Variants in NAALADL2 observed in about 807,000 individuals in gnomAD.
The protein encoded by NAALADL2 is inactive N-acetylated-alpha-linked acidic dipeptidase-like protein 2.
In NAALADL2, 76 loss-of-function variants were observed where a neutral mutation model predicts 87.2. The observed-to-expected ratio is 0.87, with a 90% CI of 0.72 to 1.05. NAALADL2 has a LOEUF of 1.05. Ranked by LOEUF, NAALADL2 falls within the 50% of genes least tolerant of loss-of-function variation. The probability of loss-of-function intolerance (pLI) is 0.00; values close to 1 mark genes in which losing one functional copy is unlikely to be tolerated. For synonymous variants in NAALADL2, 354 were observed against 331.0 expected (o/e 1.07, Z -0.75); for missense variants, 1,089 against 945.8 (o/e 1.15, Z -1.99).
intron 4 of NAALADL2, among the ~76,000 whole-genome samples, chr3:175,263,286 CTT>C (rs1344160052): frequency 3.3e-5 from 5 of 151,882 alleles, no homozygotes; most frequent in African/African-American, 1.2e-4. Context: ...AATATAAAGA[CTT>C]AAGACTGTGT....
chr3:175,681,629 G>A (rs1036598725), intron 11 of NAALADL2, among the ~76,000 whole-genome samples: 14 of 152,172 alleles, frequency 9.2e-5, no homozygotes, highest in Admixed American at 5.9e-4. Context: ...CAAAATGGCT[G>A]TTTTGATTCT....
rs1326914493 is a variant in NAALADL2, at chr3:175,486,806, G to GTCTCC, written c.1653+15048_1653+15049insTCTCC. ...TCAGTTGTTTAGGACAAAGACCTTG[G>GTCTCC]AGACCTCTTTCACTCCTCTCTTTAT... On this transcript the variant is annotated intron_variant, in intron 9 of 13. Transcript: ENST00000454872. Among the ~76,000 whole-genome samples, 8 of 152,136 alleles carry GTCTCC rather than the reference G, an allele frequency of 5.3e-5. No individual in the cohort carries two copies. In the East Asian group the frequency reaches 1.5e-3, roughly 29 times the overall value.
Position 174,601,901 on chromosome 3 carries a change from A to G in NAALADL2, c.-115+51264A>G, listed in dbSNP as rs550392326. ...TTTCTAACACCATTTGTTTAAGATA[A>G]TGTCCTTTTCCCAGTATGTGTTCTC... On this transcript the variant is annotated intron_variant, in intron 2 of 3. Transcript: ENST00000434257. Among the ~76,000 whole-genome samples, 22 of 152,168 alleles carry G rather than the reference A, an allele frequency of 1.4e-4. No individual in the cohort carries two copies. In the South Asian group the frequency reaches 4.6e-3, roughly 32 times the overall value.
intron 9 of NAALADL2, among the ~76,000 whole-genome samples, chr3:175,546,513 T>C (rs1298187104): frequency 6.6e-6 from 1 of 152,142 alleles, no homozygotes; most frequent in Admixed American, 6.6e-5. Flanking sequence ...GTTTTTGTAG[T>C]TTATGGTAAC....
chr3:175,303,045 T>C (rs9844160), intron 4 of NAALADL2, among the ~76,000 whole-genome samples: 126,784 of 152,066 alleles, frequency 0.83, 53,403 homozygotes, highest in African/African-American at 0.92. Context: ...GTAGATATGG[T>C]TTTAGGTGAA....
chr3:175,036,267 A>T (rs1333117377), intron 1 of NAALADL2, among the ~76,000 whole-genome samples: 1 of 152,176 alleles, frequency 6.6e-6, no homozygotes, highest in African/African-American at 2.4e-5. Flanking sequence ...TTCTAATTAT[A>T]AAGGTCATTA....
chr3:174,870,327 C>T (rs1727664629), intron 1 of NAALADL2, among the ~76,000 whole-genome samples: 1 of 152,158 alleles, frequency 6.6e-6, no homozygotes, highest in Non-Finnish European at 1.5e-5. Flanking sequence ...CCATGCTCCA[C>T]TGCCCATAAA....
chr3:175,098,580 T>C (rs2108387691), intron 2 of NAALADL2, among the ~76,000 whole-genome samples: 1 of 152,294 alleles, frequency 6.6e-6, no homozygotes, highest in East Asian at 1.9e-4. Flanking sequence ...CTTTTACTCC[T>C]GCCACTAAGT....
chr3:174,630,022 A>G (rs1221613890), intron 2 of NAALADL2, among the ~76,000 whole-genome samples: 2 of 152,168 alleles, frequency 1.3e-5, no homozygotes, highest in African/African-American at 4.8e-5. Context: ...AGGTTTATGT[A>G]TATTATGGCA....
At chr3:175,793,420 C>T (rs1247534951) in intron 13 of NAALADL2, among the ~76,000 whole-genome samples, 1 of 151,436 alleles carries the variant, frequency 6.6e-6, no homozygotes, top group East Asian at 1.9e-4. Context: ...CGCCATTCTC[C>T]TGCCTCACCC....
chr3:175,094,397 C>T (rs1229880520), intron 1 of NAALADL2, among the ~76,000 whole-genome samples: 1 of 151,954 alleles, frequency 6.6e-6, no homozygotes, highest in East Asian at 1.9e-4. Context: ...CTTTATTCTA[C>T]TTTCTTCAGA....
intron 4 of NAALADL2, among the ~76,000 whole-genome samples, chr3:175,293,539 C>T (rs1411129055): frequency 6.6e-6 from 1 of 152,122 alleles, no homozygotes; most frequent in African/African-American, 2.4e-5. Flanking sequence ...CTGCCCCCCT[C>T]CAAATTCCAA....
chr3:174,890,256 A>C (rs1419368862), intron 1 of NAALADL2, among the ~76,000 whole-genome samples: 1 of 152,184 alleles, frequency 6.6e-6, no homozygotes, highest in Admixed American at 6.5e-5. Context: ...GAACAGGGTA[A>C]ATTTGAAATG....
intron 9 of NAALADL2, among the ~76,000 whole-genome samples, chr3:175,488,556 C>A (rs1327712876): frequency 6.6e-6 from 1 of 152,186 alleles, no homozygotes; most frequent in East Asian, 1.9e-4. Context: ...TCTCTCAAAA[C>A]CAACAAGTTA....
chr3:175,023,611 C>T (rs1032879886), intron 1 of NAALADL2, among the ~76,000 whole-genome samples: 1 of 152,048 alleles, frequency 6.6e-6, no homozygotes, highest in Non-Finnish European at 1.5e-5. Context: ...CCTTACCATA[C>T]AGAGATACTG....
chr3:175,006,684 C>T lies in NAALADL2; in HGVS notation c.44-90106C>T, dbSNP rs1374471462. Among the ~76,000 whole-genome samples the T allele has an allele frequency of 2.6e-5, 4 of 151,278 alleles. No individual in the cohort carries two copies. In the East Asian group the frequency reaches 5.9e-4, roughly 22 times the overall value. On this transcript the variant is annotated intron_variant, in intron 1 of 13. Transcript: ENST00000454872. ...TTGTTTTTCTGCTAAGTGTATAGGGCCCTTGAGGTTTTTAACAGCCACCTC... is the reference window on the plus strand; with the variant it reads ...TTGTTTTTCTGCTAAGTGTATAGGGTCCTTGAGGTTTTTAACAGCCACCTC...
chr3:174,841,580 T>C (rs1230107691), intron 3 of NAALADL2, among the ~76,000 whole-genome samples: 1 of 152,174 alleles, frequency 6.6e-6, no homozygotes, highest in Non-Finnish European at 1.5e-5. Context: ...TACTTGCAAA[T>C]GTTATTAGAG....
chr3:175,790,105 C>G (rs1361220467), intron 13 of NAALADL2, among the ~76,000 whole-genome samples: 1 of 152,082 alleles, frequency 6.6e-6, no homozygotes, highest in Non-Finnish European at 1.5e-5. Context: ...ATTACCAACA[C>G]CAAGTAATTA....
At chr3:174,990,016 A>T (rs975765935) in intron 1 of NAALADL2, among the ~76,000 whole-genome samples, 1 of 152,164 alleles carries the variant, frequency 6.6e-6, no homozygotes, top group African/African-American at 2.4e-5. Flanking sequence ...TGAAAACCGT[A>T]AAAAGAGATT....
Sources: allele counts gnomAD v4.1 joint callset (sites outside exome capture counted in the v4.1 genomes callset), GRCh38; gene constraint gnomAD v4.1.1; transcripts MANE v1.5; gene names NCBI Gene and HGNC (gene_info 2026-07-23, HGNC 2026-07-21).